Variants in UBE2H observed in about 807,000 individuals in gnomAD.
UBE2H encodes ubiquitin conjugating enzyme E2 H.
A neutral mutation model predicts 29.0 loss-of-function variants in UBE2H; 3 were observed. The ratio of observed to expected loss-of-function variants is 0.10; its 90% CI spans 0.05 to 0.27. The LOEUF is 0.27. Among genes scored for constraint, UBE2H ranks in the 10% least tolerant of loss-of-function variants. The pLI is 1.00. For synonymous variants in UBE2H, 69 were observed against 82.9 expected, an observed-to-expected ratio of 0.83 and a Z score of 0.91; for missense variants, 68 against 228.2, an observed-to-expected ratio of 0.30 and a Z score of 4.52.
At position 129,868,651 on chromosome 7, in the gene UBE2H, T is replaced by C. The variant is rs539637384; in HGVS notation, c.206-9710A>G. ...AAGTCCTCTGATAGTAACAAGCATA[T>C]GCAAAAGCAGGGTTATCCTTAGAGG... is the stretch of plus-strand genomic sequence containing the variant. On this transcript the variant is annotated intron_variant, in intron 3 of 6. Transcript: ENST00000355621. 1.5e-4 allele frequency among the ~76,000 whole-genome samples: 22 copies of C among 147,738 alleles called. No homozygotes were observed. The East Asian group carries it at 4.4e-3, about 29-fold the overall frequency.
intron 2 of UBE2H, among the ~76,000 whole-genome samples, chr7:129,880,111 G>A (rs780379179): frequency 6.6e-6 from 1 of 152,104 alleles, no homozygotes; most frequent in Non-Finnish European, 1.5e-5. Flanking sequence ...TATATCTGCA[G>A]GTTCCACACC....
chr7:129,881,280 C>A (rs938533496), intron 1 of UBE2H, among the ~76,000 whole-genome samples: 2 of 152,144 alleles, frequency 1.3e-5, no homozygotes, highest in Non-Finnish European at 2.9e-5. Flanking sequence ...GGGAAAACAG[C>A]ATTTCATAGG....
chr7:129,952,544 G>A lies in UBE2H; in HGVS notation c.12C>T (p.Pro4=), dbSNP rs1301646310. The A allele has an allele frequency of 5.6e-6, 9 of 1,612,714 alleles. No homozygotes were observed. In the South Asian group the frequency reaches 7.7e-5, roughly 14 times the overall value. Residue 4 remains proline, a synonymous_variant, in exon 1 of 7, where the codon CCC becomes CCT. Transcript: ENST00000355621. ...TGTCCATCCGCCTCTTGCCCGGACT[G>A]GGAGATGACATGGTGTCGCCGCCGC... MSS[P]SPGKRRMDTD... is the part of the protein sequence containing the mutation.
chr7:129,939,201 C>T (rs757243259), intron 1 of UBE2H, among the ~76,000 whole-genome samples: 5 of 152,078 alleles, frequency 3.3e-5, no homozygotes, highest in Non-Finnish European at 7.4e-5. Context: ...CAGGGTCTCA[C>T]TATAGTGCTC....
chr7:129,911,543 T>C (rs1806937613), intron 1 of UBE2H, among the ~76,000 whole-genome samples: 1 of 152,130 alleles, frequency 6.6e-6, no homozygotes, highest in South Asian at 2.1e-4. Context: ...TAGGGGCCTG[T>C]TGGGATCGTC....
rs1053720659 is a variant in UBE2H, at chr7:129,952,608, G to A, written c.-53C>T. On this transcript the variant is annotated 5_prime_UTR_variant, in exon 1 of 7. Coordinates refer to ENST00000355621, the MANE Select transcript of UBE2H (RefSeq NM_003344.4). Reference sequence around the variant, plus strand: ...TCGGCCCGTCTGTCACGGGCCCGGGGCCCCGGCTCTGAGGAGCCCGCGGCC... The same window carrying A: ...TCGGCCCGTCTGTCACGGGCCCGGGACCCCGGCTCTGAGGAGCCCGCGGCC... 1.1e-5 allele frequency: 17 copies of A among 1,598,800 alleles called. No individual in the cohort carries two copies. The highest frequency in any genetic ancestry group is 1.0e-4 in the South Asian group (9 of 90,222).
At chr7:129,944,350 C>T (rs1307903711) in intron 1 of UBE2H, among the ~76,000 whole-genome samples, 1 of 149,578 alleles carries the variant, frequency 6.7e-6, no homozygotes, top group Admixed American at 6.7e-5. Flanking sequence ...GCGAAGACTC[C>T]GTCTCAAAAC....
At chr7:129,843,585 C>T (rs1177141605) in intron 5 of UBE2H, among the ~76,000 whole-genome samples, 4 of 152,174 alleles carry the variant, frequency 2.6e-5, no homozygotes, top group Admixed American at 6.5e-5. Context: ...GGGTCAAAAT[C>T]GCATACCATC....
At chr7:129,925,646 T>C (rs1464275120) in intron 1 of UBE2H, among the ~76,000 whole-genome samples, 11 of 152,180 alleles carry the variant, frequency 7.2e-5, no homozygotes. Context: ...TAGCTCAGGA[T>C]GATCAGGGCA....
At chr7:129,907,926 T>C (rs941395445) in intron 1 of UBE2H, among the ~76,000 whole-genome samples, 4 of 152,336 alleles carry the variant, frequency 2.6e-5, no homozygotes, top group East Asian at 1.9e-4. Context: ...CAGCTGATTA[T>C]ACACATTTTT....
In UBE2H at chr7:129,864,556, C is replaced by CTT. The variant is rs367930226; in HGVS notation, c.206-5617_206-5616dup. On this transcript the variant is annotated intron_variant, in intron 3 of 6. Transcript: ENST00000355621. ...CAGGCATTTTCTTTTTCTTTTCTTT[C>CTT]TTTTTTTTTTTTTTTGAGACAGAAT... Among the ~76,000 whole-genome samples the CTT allele has an allele frequency of 9.0e-3, 1,182 of 130,910 alleles. 41 individuals are homozygous for CTT. The highest frequency in any genetic ancestry group is 9.4e-3 in the African/African-American group (334 of 35,566). The allele number at this position is 130,910 out of a possible 152,430, so 85.9% of individuals were successfully genotyped here. A position where few individuals can be genotyped will look rare whatever the true frequency, so the allele number is the denominator to read the frequency against.
chr7:129,921,454 T>A (rs376368387), intron 1 of UBE2H, among the ~76,000 whole-genome samples: 1 of 152,202 alleles, frequency 6.6e-6, no homozygotes, highest in African/African-American at 2.4e-5. Flanking sequence ...TCCCAGCACT[T>A]TGGGAGGCCG....
At chr7:129,919,470 T>G (rs188261841) in intron 1 of UBE2H, among the ~76,000 whole-genome samples, 1 of 152,270 alleles carries the variant, frequency 6.6e-6, no homozygotes, top group Admixed American at 6.5e-5. Flanking sequence ...GCCTCACCAA[T>G]CCTGGGACTC....
At chr7:129,839,552 T>C (rs989473464) in intron 5 of UBE2H, 2 of 484,642 alleles carry the variant, frequency 4.1e-6, no homozygotes, top group Admixed American at 4.4e-5. Context: ...AAGATATACC[T>C]GACATTCACT....
chr7:129,842,997 ATTT>A (rs1214247554), intron 5 of UBE2H, among the ~76,000 whole-genome samples: 2 of 139,570 alleles, frequency 1.4e-5, no homozygotes. Flanking sequence ...ATTAACAGTA[ATTT>A]TTTTTTTTTT....
chr7:129,920,741 CA>C (rs1351235427), intron 1 of UBE2H, among the ~76,000 whole-genome samples: 1 of 143,760 alleles, frequency 7.0e-6, no homozygotes, highest in Non-Finnish European at 1.5e-5. Context: ...TAAAATCTGA[CA>C]ACTGGGAAAT....
chr7:129,876,508 G>A lies in UBE2H; in HGVS notation c.205+3060C>T, dbSNP rs142325661. Among the ~76,000 whole-genome samples the A allele has an allele frequency of 5.3e-5, 8 of 152,316 alleles. No homozygotes were observed. In the East Asian group the frequency reaches 1.5e-3, roughly 29 times the overall value. ...GAAAATTATGCAAATATTCAGCGAT[G>A]TTATAGTTGATTAAAGGAGTTTTAT... is the stretch of plus-strand genomic sequence containing the variant. On this transcript the variant is annotated intron_variant, in intron 3 of 6. Transcript: ENST00000355621.
At chr7:129,924,007 C>T (rs1807215652) in intron 1 of UBE2H, among the ~76,000 whole-genome samples, 1 of 152,170 alleles carries the variant, frequency 6.6e-6, no homozygotes, top group African/African-American at 2.4e-5. Flanking sequence ...CAAAGTCTGA[C>T]CTCAGCAGGG....
intron 1 of UBE2H, among the ~76,000 whole-genome samples, chr7:129,912,603 G>A (rs1203599665): frequency 1.3e-5 from 2 of 152,180 alleles, no homozygotes; most frequent in Non-Finnish European, 2.9e-5. Context: ...AACAAAGTTT[G>A]TGTTAAGTAT....
Sources: gnomAD v4.1 joint callset for allele counts (sites outside exome capture counted in the v4.1 genomes callset) on GRCh38, gnomAD v4.1.1 for gene constraint, MANE v1.5 for transcripts, NCBI Gene and HGNC (gene_info 2026-07-23, HGNC 2026-07-21) for gene names.